The following CACNB4 variants were observed in gnomAD, a reference collection of about 807,000 sequenced individuals.
CACNB4 encodes the protein calcium voltage-gated channel auxiliary subunit beta 4, also known as voltage-dependent L-type calcium channel subunit beta-4.
In CACNB4, 32 loss-of-function variants were observed where a neutral mutation model predicts 71.2. The observed-to-expected ratio is 0.45, with a 90% CI of 0.34 to 0.60. The LOEUF (loss-of-function observed/expected upper bound fraction) is 0.60, where lower values mean the gene tolerates loss of function less well. Among genes scored for constraint, CACNB4 ranks in the 20% least tolerant of loss-of-function variants. The pLI, the probability that CACNB4 is intolerant of heterozygous loss-of-function variation, is 0.01. For synonymous variants in CACNB4, 231 were observed against 236.9 expected (o/e 0.97, Z 0.23); for missense variants, 464 against 647.9 (o/e 0.72, Z 3.08).
rs201227743 is a variant in CACNB4 at position 151,855,413 on chromosome 2, T to C, written c.869-38A>G. On this transcript the variant is annotated intron_variant, in intron 10 of 13. Transcript: ENST00000539935. Reference sequence around the variant, plus strand: ...ATAATAAATAGATCCCGGTTATTGTTATGAATTAGTTCTTACATTAGAAAG... The same window carrying C: ...ATAATAAATAGATCCCGGTTATTGTCATGAATTAGTTCTTACATTAGAAAG... The C allele has an allele frequency of 4.1e-6, 6 of 1,449,908 alleles. No homozygotes were observed. In the Middle Eastern group the frequency reaches 6.2e-4, roughly 151 times the overall value. 89.8% of individuals were successfully genotyped at this position (1,449,908 alleles called of 1,614,324 possible). A position where few individuals can be genotyped will look rare whatever the true frequency, so the allele number is the denominator to read the frequency against.
chr2:151,922,085 T>C (rs1214555064), intron 2 of CACNB4, among the ~76,000 whole-genome samples: 2 of 152,212 alleles, frequency 1.3e-5, no homozygotes, highest in African/African-American at 4.8e-5. Flanking sequence ...TCTCTCTTGT[T>C]CTCTCTCTTC....
At position 151,839,284 on chromosome 2, in the gene CACNB4, C is replaced by T. The variant is rs745608627; in HGVS notation, c.1398G>A (p.Arg466=). The T allele has an allele frequency of 6.2e-7, 1 of 1,613,532 alleles. No individual in the cohort carries two copies. Among genetic ancestry groups the T allele is most frequent in the Admixed American group, 1.7e-5 (1 of 59,998 alleles). The change falls in exon 14 of 14, where the codon AGG becomes AGA. Residue 466 remains arginine (R), a synonymous_variant. Coordinates refer to ENST00000539935, the MANE Select transcript of CACNB4 (RefSeq NM_000726.5). ...MTSDENYHNE[R]ARKSRNRLSS... is the part of the protein sequence containing the mutation. ...ACAAGCGGTTCCTACTCTTCCGAGC[C>T]CTTTCATTGTGATAATTTTCATCAG...
rs1177847222 is a variant in CACNB4 at position 151,833,391 on chromosome 2, TG to T, written c.*5727del. ...TTTTTTGTGGTTGGGACATCTTTAT[TG>T]ATCATTCTGACTCGAGGCTGTGAAA... On this transcript the variant is annotated 3_prime_UTR_variant, in exon 14 of 14. Transcript: ENST00000539935. 1 of 152,134 alleles carries T rather than the reference TG, an allele frequency of 6.6e-6. No individual in the cohort carries two copies. Among genetic ancestry groups the T allele is most frequent in the Non-Finnish European group, 1.5e-5 (1 of 67,974 alleles). The allele number at this position is 152,134 out of a possible 1,614,324, so 9.4% of individuals were successfully genotyped here. A position where few individuals can be genotyped will look rare whatever the true frequency, so the allele number is the denominator to read the frequency against.
At chr2:151,927,919 A>G (rs532971610) in intron 2 of CACNB4, among the ~76,000 whole-genome samples, 1 of 152,340 alleles carries the variant, frequency 6.6e-6, no homozygotes, top group Non-Finnish European at 1.5e-5. Flanking sequence ...TTGAGAGTCA[A>G]ACATAAGAAA....
At chr2:151,864,936 A>T (rs2099842687) in intron 9 of CACNB4, among the ~76,000 whole-genome samples, 1 of 152,174 alleles carries the variant, frequency 6.6e-6, no homozygotes, top group African/African-American at 2.4e-5. Context: ...GACCCCTCTC[A>T]TTCCCAGAGT....
chr2:151,926,570 T>TG (rs527987809), intron 2 of CACNB4, among the ~76,000 whole-genome samples: 3 of 148,900 alleles, frequency 2.0e-5, no homozygotes, highest in South Asian at 5.0e-4. Context: ...GGGATTTTGA[T>TG]GGAAAAAAAA....
At chr2:151,948,854 C>T (rs541655276) in intron 2 of CACNB4, among the ~76,000 whole-genome samples, 2 of 152,272 alleles carry the variant, frequency 1.3e-5, no homozygotes, top group Non-Finnish European at 2.9e-5. Context: ...TCCAGCTTCT[C>T]TCCTCCACCC....
chr2:151,870,718 T>A, intron 7 of CACNB4, 107 bp from the exon 8 acceptor site: 1 of 1,250,998 alleles, frequency 8.0e-7, no homozygotes, highest in Non-Finnish European at 1.2e-6. Flanking sequence ...CAAATGATTA[T>A]CAAAGTCCCC....
chr2:152,065,416 T>G (rs1239176304), intron 2 of CACNB4, among the ~76,000 whole-genome samples: 1 of 150,404 alleles, frequency 6.6e-6, no homozygotes, highest in Non-Finnish European at 1.5e-5. Context: ...GAGAGAGAAG[T>G]TACATGCTTT....
chr2:152,033,377 C>T (rs1048099960), intron 2 of CACNB4, among the ~76,000 whole-genome samples: 2 of 152,194 alleles, frequency 1.3e-5, no homozygotes. Context: ...ATGCGACCAG[C>T]ATCCTAGAAG....
At chr2:151,887,016 G>C (rs1220943462) in intron 2 of CACNB4, among the ~76,000 whole-genome samples, 1 of 152,208 alleles carries the variant, frequency 6.6e-6, no homozygotes, top group Non-Finnish European at 1.5e-5. Flanking sequence ...GCAAGGCTTA[G>C]TAAGAGCAGG....
chr2:151,951,659 G>T (rs1320621412), intron 2 of CACNB4, among the ~76,000 whole-genome samples: 2 of 152,178 alleles, frequency 1.3e-5, no homozygotes, highest in Non-Finnish European at 1.5e-5. Context: ...CATCACAGAG[G>T]CCGGCCCACA....
chr2:151,965,372 A>T (rs2099870817), intron 2 of CACNB4, among the ~76,000 whole-genome samples: 1 of 152,174 alleles, frequency 6.6e-6, no homozygotes, highest in Non-Finnish European at 1.5e-5. Flanking sequence ...TAACCAGGTG[A>T]GGCACAATTA....
At chr2:152,066,984 G>A (rs1686366407) in intron 2 of CACNB4, among the ~76,000 whole-genome samples, 1 of 136,420 alleles carries the variant, frequency 7.3e-6, no homozygotes, top group Non-Finnish European at 1.6e-5. Flanking sequence ...TCACACTCTG[G>A]GGACTGTTTT....
intron 2 of CACNB4, among the ~76,000 whole-genome samples, chr2:152,016,831 G>T (rs1683373689): frequency 6.6e-6 from 1 of 152,150 alleles, no homozygotes; most frequent in African/African-American, 2.4e-5. Flanking sequence ...AGTAATAATA[G>T]CTGCCATTCT....
chr2:151,871,079 C>T, intron 6 of CACNB4: 1 of 570,146 alleles, frequency 1.8e-6, no homozygotes, highest in Non-Finnish European at 3.1e-6. Flanking sequence ...GTACAAATGA[C>T]CTTATATCCT....
At chr2:151,894,651 T>C (rs547264210) in intron 2 of CACNB4, among the ~76,000 whole-genome samples, 49 of 152,244 alleles carry the variant, frequency 3.2e-4, no homozygotes, top group African/African-American at 1.0e-3. Context: ...ATCTTAAATA[T>C]ATAGAAACCT....
At position 152,069,837 on chromosome 2, in the gene CACNB4, CTTTTTTT is replaced by C. The variant is rs70974819; in HGVS notation, c.147+28486_147+28492del. 2.3e-4 allele frequency among the ~76,000 whole-genome samples: 23 copies of C among 98,722 alleles called. 1 individual carries two copies. Among genetic ancestry groups the C allele is most frequent in the Non-Finnish European group, 9.3e-5 (5 of 53,652 alleles). 64.8% of individuals were successfully genotyped at this position (98,722 alleles called of 152,430 possible). On this transcript the variant is annotated intron_variant, in intron 2 of 13. Coordinates refer to ENST00000539935, the MANE Select transcript of CACNB4 (RefSeq NM_000726.5). ...TTGATAGAACAACGACTTCATCAAT[CTTTTTTT>C]TTTTTTTTTTTTTTTGGAGATGGAG...
chr2:151,980,838 TTTA>T (rs2099874594), intron 2 of CACNB4, among the ~76,000 whole-genome samples: 1 of 152,214 alleles, frequency 6.6e-6, no homozygotes, highest in African/African-American at 2.4e-5. Flanking sequence ...ATAGAGTTGT[TTTA>T]ACAGAGTCTT....
Sources: allele counts gnomAD v4.1 joint callset (sites outside exome capture counted in the v4.1 genomes callset), GRCh38; gene constraint gnomAD v4.1.1; transcripts MANE v1.5; gene names NCBI Gene and HGNC (gene_info 2026-07-23, HGNC 2026-07-21).